Variants in CCND3 observed in about 807,000 individuals in gnomAD.
CCND3 encodes the protein G1/S-specific cyclin-D3.
Under a neutral mutation model 28.7 loss-of-function variants are expected in CCND3, and 9 were observed. The observed-to-expected ratio is 0.31, with a 90% confidence interval of 0.19 to 0.55. The LOEUF (loss-of-function observed/expected upper bound fraction) is 0.55. CCND3 is among the 20% of genes least tolerant of loss of function. CCND3 has a pLI of 0.93. For synonymous variants in CCND3, 164 were observed against 163.9 expected (o/e 1.00, Z 0.00); for missense variants, 315 against 385.8 (o/e 0.82, Z 1.54).
In CCND3 at chr6:41,939,206, G is replaced by A. The variant is rs571091157; in HGVS notation, c.414+1164C>T. Among the ~76,000 whole-genome samples the A allele has an allele frequency of 2.5e-3, 387 of 152,196 alleles. 3 individuals carry two copies. Among genetic ancestry groups the A allele is most frequent in the African/African-American group, 8.8e-3 (366 of 41,528 alleles). On this transcript the variant is annotated intron_variant, in intron 2 of 4. Transcript: ENST00000372991. The surrounding 1 kb of genome is among the most constrained non-coding windows in gnomAD (Gnocchi z 4.2). ...TCTCTGAGCTACTTGGCAGGAAGAG[G>A]AATCCTGTTCCTCGACTCACAGCAG...
chr6:41,937,440 G>C, intron 2 of CCND3, 46 bp from the exon 3 acceptor site: 4 of 1,609,230 alleles, frequency 2.5e-6, no homozygotes, highest in Non-Finnish European at 1.7e-6. Flanking sequence ...GAGAAGTGAA[G>C]AGGAGGGAGC....
chr6:41,975,432 T>C (rs1389983777), intron 1 of CCND3, among the ~76,000 whole-genome samples: 1 of 151,998 alleles, frequency 6.6e-6, no homozygotes, highest in Non-Finnish European at 1.5e-5. Flanking sequence ...TGGCAATACA[T>C]CCAGAGTGGC....
intron 1 of CCND3, among the ~76,000 whole-genome samples, chr6:41,979,311 A>G (rs992156974): frequency 6.6e-6 from 1 of 151,892 alleles, no homozygotes; most frequent in Non-Finnish European, 1.5e-5. Flanking sequence ...AGGCGGGTGG[A>G]TCACGAGGTC....
At chr6:41,942,938 G>C (rs2127396376), upstream of CCND3, among the ~76,000 whole-genome samples, 1 of 140,464 alleles carries the variant, frequency 7.1e-6, no homozygotes, top group Non-Finnish European at 1.5e-5. Flanking sequence ...GAGTGCAGTG[G>C]TGCGATCTGG....
At chr6:41,984,157 T>G (rs570982629) in intron 1 of CCND3, among the ~76,000 whole-genome samples, 2 of 152,354 alleles carry the variant, frequency 1.3e-5, no homozygotes, top group Admixed American at 1.3e-4. Flanking sequence ...ATTATTCCAT[T>G]GCATATATAA....
intron 1 of CCND3, among the ~76,000 whole-genome samples, chr6:41,987,996 A>G (rs6919822): frequency 0.98 from 148,889 of 151,958 alleles, 73,006 homozygotes; most frequent in East Asian, 1. Flanking sequence ...TCCCCAAACC[A>G]TTCTCAGGTA....
intron 1 of CCND3, among the ~76,000 whole-genome samples, chr6:41,975,375 C>T (rs1762145725): frequency 6.6e-6 from 1 of 152,100 alleles, no homozygotes; most frequent in South Asian, 2.1e-4. Flanking sequence ...GAGGGTATCT[C>T]ATTCCCAGGC....
Position 41,940,637 on chromosome 6 carries a change from A to AG in CCND3, c.199-53dup. 3 of 1,091,376 alleles carry AG rather than the reference A, an allele frequency of 2.7e-6. No individual in the cohort carries two copies. In the African/African-American group the frequency reaches 4.8e-5, roughly 18 times the overall value. 67.6% of individuals were successfully genotyped at this position (1,091,376 alleles called of 1,614,324 possible). The stretch of plus-strand genomic sequence containing the variant: ...GGGTCTGGAGCGTGGGGAACACAGC[A>AG]GCGGGGGGGTGGGAGCGCTGAAGTG... On this transcript the variant is annotated intron_variant, in intron 1 of 4. Coordinates refer to ENST00000372991, the MANE Select transcript of CCND3 (RefSeq NM_001760.5).
intron 1 of CCND3, among the ~76,000 whole-genome samples, chr6:41,986,737 C>T (rs760977601): frequency 2.0e-5 from 3 of 151,922 alleles, no homozygotes; most frequent in Admixed American, 2.0e-4. Context: ...TTCTTCTTTT[C>T]CAATTTGGAT....
At chr6:42,024,890 C>T (rs144645500) in intron 1 of CCND3, among the ~76,000 whole-genome samples, 100 of 152,254 alleles carry the variant, frequency 6.6e-4, no homozygotes, top group African/African-American at 2.2e-3. Flanking sequence ...GAAACCCCGT[C>T]TCTCCTAAAA....
intron 1 of CCND3, 63 bp from the exon 2 acceptor site, chr6:41,940,648 G>A: frequency 8.5e-7 from 1 of 1,172,852 alleles, no homozygotes. Flanking sequence ...GCGGGGGGGT[G>A]GGAGCGCTGA....
intron 1 of CCND3, among the ~76,000 whole-genome samples, chr6:42,015,209 C>T (rs1763462436): frequency 6.6e-6 from 1 of 152,074 alleles, no homozygotes; most frequent in Non-Finnish European, 1.5e-5. Context: ...CAGTCCAGCT[C>T]CAGAATGGAC....
chr6:42,002,072 G>A (rs1474298434), intron 1 of CCND3, among the ~76,000 whole-genome samples: 1 of 150,786 alleles, frequency 6.6e-6, no homozygotes, highest in African/African-American at 2.4e-5. Context: ...CTGAGAAAGC[G>A]CCATTGTACT....
intron 1 of CCND3, among the ~76,000 whole-genome samples, chr6:42,018,933 C>T (rs1763615623): frequency 6.6e-6 from 1 of 151,558 alleles, no homozygotes. Flanking sequence ...AAAGATATCT[C>T]CCACTACTTT....
At chr6:42,020,693 C>G (rs1763684701) in intron 1 of CCND3, among the ~76,000 whole-genome samples, 1 of 152,206 alleles carries the variant, frequency 6.6e-6, no homozygotes. Flanking sequence ...ATTCCCACAG[C>G]ACAGAGAGCC....
intron 1 of CCND3, among the ~76,000 whole-genome samples, chr6:41,970,408 C>T (rs1414039340): frequency 1.3e-5 from 2 of 152,114 alleles, no homozygotes; most frequent in Non-Finnish European, 2.9e-5. Flanking sequence ...ATCTATCTTG[C>T]AGGCTTGTCT....
In CCND3 at chr6:42,048,732, TGGGGAAGAGG is replaced by T. The variant is rs1764624707; in HGVS notation, c.-287_-278del. ...CGCCGATCCAGAGCTGGGCAGGAAG[TGGGGAAGAGG>T]GGGCGGAGGAGACAAAGGGGCTGGT... On this transcript the variant is annotated 5_prime_UTR_variant, in exon 1 of 5. Transcript: ENST00000372988. The surrounding 1 kb of genome is among the most constrained non-coding windows in gnomAD (Gnocchi z 4.7). 2.0e-6 allele frequency: 1 copy of T among 503,396 alleles called. No homozygotes were observed. Among genetic ancestry groups the T allele is most frequent in the Non-Finnish European group, 3.9e-6 (1 of 253,338 alleles). The allele number at this position is 503,396 out of a possible 1,614,324, so 31.2% of individuals were successfully genotyped here.
In CCND3 at chr6:42,028,582, C is replaced by T. The variant is rs1306437000; in HGVS notation, c.-46+19919G>A. ...AGGTGGCAAGGGAAGCAGCTGCCCTCCGCCAGCAGCCTCCCTGCCACTGAA... is the reference window on the plus strand; with the variant it reads ...AGGTGGCAAGGGAAGCAGCTGCCCTTCGCCAGCAGCCTCCCTGCCACTGAA... On this transcript the variant is annotated intron_variant, in intron 1 of 4. Transcript: ENST00000372988. 2.6e-5 allele frequency among the ~76,000 whole-genome samples: 4 copies of T among 152,236 alleles called. No individual in the cohort carries two copies. In the South Asian group the frequency reaches 6.2e-4, roughly 24 times the overall value.
intron 1 of CCND3, among the ~76,000 whole-genome samples, chr6:41,983,106 AGTG>A (rs1762394038): frequency 6.6e-6 from 1 of 152,144 alleles, no homozygotes; most frequent in African/African-American, 2.4e-5. Context: ...GGCCGGGTGC[AGTG>A]GCTTACCCCA....
Sources: gnomAD v4.1 joint callset for allele counts (sites outside exome capture counted in the v4.1 genomes callset) on GRCh38, gnomAD v4.1.1 for gene constraint, Gnocchi (gnomAD v3.1) non-coding constraint, MANE v1.5 for transcripts, NCBI Gene and HGNC (gene_info 2026-07-23, HGNC 2026-07-21) for gene names.